PTPRF: variants seen among roughly 807,000 people sequenced by gnomAD.
The protein encoded by PTPRF is receptor-type tyrosine-protein phosphatase F.
Under a neutral mutation model 201.8 loss-of-function variants are expected in PTPRF, and 59 were observed. The observed-to-expected ratio is 0.29, with a 90% CI of 0.24 to 0.36. The LOEUF (loss-of-function observed/expected upper bound fraction) is 0.36, where lower values mean the gene tolerates loss of function less well. Ranked by LOEUF, PTPRF falls within the 10% of genes least tolerant of loss-of-function variation. PTPRF has a pLI of 1.00. For synonymous variants in PTPRF, 1,088 were observed against 1,089.7 expected (o/e 1.00, Z 0.03); for missense variants, 2,132 against 2,690.5 (o/e 0.79, Z 4.59).
At chr1:43,580,278 G>A (rs896876319) in intron 7 of PTPRF, among the ~76,000 whole-genome samples, 3 of 152,282 alleles carry the variant, frequency 2.0e-5, no homozygotes, top group Admixed American at 2.0e-4. Flanking sequence ...TCAGAGCAGA[G>A]AGAATTAGGC....
chr1:43,545,240 G>T, intron 3 of PTPRF, 74 bp downstream of exon 3: 1 of 1,442,376 alleles, frequency 6.9e-7, no homozygotes. Context: ...CTCTGGGATG[G>T]GGACAGACCG....
chr1:43,603,792 C>T lies in PTPRF; in HGVS notation c.2640C>T (p.Thr880=), dbSNP rs146700581. The change falls in exon 16 of 34, where the codon ACC becomes ACT. Residue 880 remains threonine, a synonymous_variant. Transcript: ENST00000359947. This position sits in a 1 kb window ranked among gnomAD's most constrained non-coding sequence, Gnocchi z 5.8. The part of the protein sequence containing the change: ...FGKDDQHFTV[T]GLHKGTTYIF... ...AGGATGACCAGCACTTCACAGTCAC[C>T]GGCCTGCACAAGGGGACCACCTACA... The T allele has an allele frequency of 3.2e-4, 518 of 1,614,074 alleles. No individual in the cohort carries two copies. The highest frequency in any genetic ancestry group is 4.2e-4 in the Non-Finnish European group (492 of 1,180,030).
chr1:43,568,149 G>A (rs1421005967), intron 5 of PTPRF, among the ~76,000 whole-genome samples: 1 of 152,032 alleles, frequency 6.6e-6, no homozygotes, highest in Non-Finnish European at 1.5e-5. Context: ...TACAAAATTT[G>A]CCGGGCGTGG....
rs773524632 is a variant in PTPRF at position 43,606,991 on chromosome 1, C to T, written c.3857+23C>T. 57 of 1,610,004 alleles carry T rather than the reference C, an allele frequency of 3.5e-5. 2 individuals carry two copies. The highest frequency in any genetic ancestry group is 3.4e-4 in the South Asian group (31 of 90,940). On this transcript the variant is annotated intron_variant, in intron 21 of 33. Coordinates refer to ENST00000359947, the MANE Select transcript of PTPRF (RefSeq NM_002840.5). Reference sequence around the variant, plus strand: ...AAGGTGAGCACTGCCCTCAGAGCTCCGGGAACGGCCACCTGCCCCTCGCCT... The same window carrying T: ...AAGGTGAGCACTGCCCTCAGAGCTCTGGGAACGGCCACCTGCCCCTCGCCT...
chr1:43,620,248 CCT>C (rs1557879061), intron 30 of PTPRF, 27 bp downstream of exon 30: 1 of 1,611,850 alleles, frequency 6.2e-7, no homozygotes, highest in Non-Finnish European at 8.5e-7. Context: ...CCCCAGGGCC[CCT>C]GTCATACCTG....
At chr1:43,536,090 G>A (rs1027001465) in intron 1 of PTPRF, among the ~76,000 whole-genome samples, 1 of 152,092 alleles carries the variant, frequency 6.6e-6, no homozygotes, top group Admixed American at 6.5e-5. Flanking sequence ...TTCTAACTTG[G>A]GTCCTGAACC....
chr1:43,621,965 C>T lies in PTPRF; in HGVS notation c.5686C>T (p.Leu1896=). ...DQYQLCYRAA[L]EYLGSFDHYA... The stretch of plus-strand genomic sequence containing the variant: ...GTATCAGCTGTGCTACCGTGCGGCC[C>T]TGGAGTACCTCGGCAGCTTTGACCA... Residue 1896 remains leucine, a synonymous_variant, in exon 34 of 34, where the codon CTG becomes TTG. Coordinates refer to ENST00000359947, the MANE Select transcript of PTPRF (RefSeq NM_002840.5). The T allele has an allele frequency of 1.2e-6, 2 of 1,614,172 alleles. No homozygotes were observed. The highest frequency in any genetic ancestry group is 1.1e-5 in the South Asian group (1 of 91,086).
At chr1:43,559,299 T>C (rs916159411) in intron 5 of PTPRF, among the ~76,000 whole-genome samples, 2 of 152,126 alleles carry the variant, frequency 1.3e-5, no homozygotes, top group Non-Finnish European at 2.9e-5. Flanking sequence ...AGGCACTGCA[T>C]GCTGTATGGG....
At position 43,553,821 on chromosome 1, in the gene PTPRF, G is replaced by A; in HGVS notation, c.259G>A (p.Ala87Thr). The change falls in exon 5 of 34, where the codon GCA becomes ACA. Residue 87 changes from alanine to threonine, a missense_variant. Physicochemically the swap from Ala to Thr is moderately conservative, Grantham distance 58. Transcript: ENST00000359947. The surrounding 1 kb of genome is among the most constrained non-coding windows in gnomAD (Gnocchi z 4.1). ...ACAGGTCATTGAGTTTGATGATGGGGCAGGGTCAGTGCTTCGGATCCAGCC... is the reference window on the plus strand; with the variant it reads ...ACAGGTCATTGAGTTTGATGATGGGACAGGGTCAGTGCTTCGGATCCAGCC... ...RFEVIEFDDG[A>T]GSVLRIQPLR... 3 of 1,614,188 alleles carry A rather than the reference G, an allele frequency of 1.9e-6. No individual in the cohort carries two copies. The highest frequency in any genetic ancestry group is 2.5e-6 in the Non-Finnish European group (3 of 1,180,032).
At chr1:43,620,074 C>T in intron 29 of PTPRF, 21 bp from the exon 30 acceptor site, 1 of 1,613,602 alleles carries the variant, frequency 6.2e-7, no homozygotes, top group Non-Finnish European at 8.5e-7. Context: ...TCCAGCATGT[C>T]CAGTCTTATG....
intron 1 of PTPRF, among the ~76,000 whole-genome samples, chr1:43,533,075 C>T (rs1364067767): frequency 6.6e-6 from 1 of 152,178 alleles, no homozygotes; most frequent in African/African-American, 2.4e-5. Context: ...TTTGAAATGT[C>T]TTTATAGTGT....
At chr1:43,551,553 A>C (rs1437849904) in intron 3 of PTPRF, among the ~76,000 whole-genome samples, 1 of 152,162 alleles carries the variant, frequency 6.6e-6, no homozygotes, top group East Asian at 1.9e-4. Context: ...GAACATAGTC[A>C]GTCCCAAGGT....
chr1:43,565,817 G>A (rs1474391320), intron 5 of PTPRF, among the ~76,000 whole-genome samples: 1 of 152,202 alleles, frequency 6.6e-6, no homozygotes, highest in Non-Finnish European at 1.5e-5. Flanking sequence ...GGGAAGGGCG[G>A]TGCCAGGGCG....
chr1:43,600,855 A>G (rs571231348), intron 13 of PTPRF, among the ~76,000 whole-genome samples: 1 of 146,250 alleles, frequency 6.8e-6, no homozygotes, highest in East Asian at 2.0e-4. Context: ...CTTCATCTCC[A>G]TTTGGTTTCA....
chr1:43,571,887 C>T (rs1383654512), intron 6 of PTPRF, among the ~76,000 whole-genome samples: 3 of 152,338 alleles, frequency 2.0e-5, no homozygotes, highest in South Asian at 2.1e-4. Flanking sequence ...TTAACTTTTT[C>T]GTGTGTCAGT....
intron 21 of PTPRF, among the ~76,000 whole-genome samples, 180 bp downstream of exon 21, chr1:43,607,148 C>T (rs1316406133): frequency 6.6e-6 from 1 of 152,240 alleles, no homozygotes; most frequent in East Asian, 1.9e-4. Flanking sequence ...TGCAGGCCTG[C>T]ATCTGTCAGG....
chr1:43,615,147 G>T (rs561311421), intron 23 of PTPRF, among the ~76,000 whole-genome samples: 1 of 152,300 alleles, frequency 6.6e-6, no homozygotes, highest in East Asian at 1.9e-4. Context: ...AGGGCTGTGG[G>T]CCAGGTTTCT....
At chr1:43,572,843 C>T (rs1347515156) in intron 6 of PTPRF, among the ~76,000 whole-genome samples, 1 of 152,106 alleles carries the variant, frequency 6.6e-6, no homozygotes, top group East Asian at 1.9e-4. Context: ...GGCCTAGGAG[C>T]TCCCCTGTGA....
chr1:43,609,023 G>A (rs1247159983), intron 21 of PTPRF, among the ~76,000 whole-genome samples: 1 of 152,152 alleles, frequency 6.6e-6, no homozygotes, highest in East Asian at 1.9e-4. Context: ...TCATTTGCAT[G>A]TTTGTTCCCG....
Sources: allele counts gnomAD v4.1 joint callset (sites outside exome capture counted in the v4.1 genomes callset), GRCh38; gene constraint gnomAD v4.1.1; non-coding constraint Gnocchi (gnomAD v3.1); transcripts MANE v1.5; gene names NCBI Gene and HGNC (gene_info 2026-07-23, HGNC 2026-07-21).